Variants in C11orf54 observed in about 807,000 individuals in gnomAD.
C11orf54 encodes beta-keto L-gulonate decarboxylase.
C11orf54 carries 29 observed loss-of-function variants against 35.5 expected under a neutral mutation model. The ratio of observed to expected loss-of-function variants is 0.82; its 90% CI spans 0.61 to 1.11. The LOEUF (loss-of-function observed/expected upper bound fraction) is 1.11. Ranked by LOEUF, C11orf54 falls within the 50% of genes most tolerant of loss-of-function variation. The pLI is 0.00. For synonymous variants in C11orf54, 108 were observed against 121.1 expected, an observed-to-expected ratio of 0.89 and a Z score of 0.71; for missense variants, 373 against 369.2, an observed-to-expected ratio of 1.01 and a Z score of -0.08.
In C11orf54 at chr11:93,755,099, T is replaced by C. The variant is rs532342066; in HGVS notation, c.331-111T>C. ...ATATTATGTATTTTATGTTCTCTTA[T>C]TAGGACTTGAACTAAAATGTCTTAA... is the stretch of plus-strand genomic sequence containing the variant. On this transcript the variant is annotated intron_variant, in intron 5 of 8. Transcript: ENST00000354421. 2.4e-5 allele frequency: 26 copies of C among 1,090,618 alleles called. No homozygotes were observed. The African/African-American group carries it at 4.0e-4, about 17-fold the overall frequency. The allele number at this position is 1,090,618 out of a possible 1,614,324, so 67.6% of individuals were successfully genotyped here. A position where few individuals can be genotyped will look rare whatever the true frequency, so the allele number is the denominator to read the frequency against.
At chr11:93,760,867 C>G (rs973674896) in intron 8 of C11orf54, among the ~76,000 whole-genome samples, 5 of 152,036 alleles carry the variant, frequency 3.3e-5, no homozygotes, top group African/African-American at 1.2e-4. Context: ...CCATGTTGAC[C>G]AGGCTGGTCT....
At chr11:93,746,997 T>C (rs75732330) in intron 1 of C11orf54, 1 of 152,946 alleles carries the variant, frequency 6.5e-6, no homozygotes, top group Non-Finnish European at 1.4e-5. Context: ...AAAAAAAAAA[T>C]GAATCAGCTG....
rs1198619255 is a variant in C11orf54 at position 93,763,116 on chromosome 11, T to A, written c.*1428T>A. On this transcript the variant is annotated 3_prime_UTR_variant, in exon 9 of 9. Transcript: ENST00000354421. ...TGTAATATCTTACCTCCAGACAAAATAATATTAATAGTCTATCATTTAACA... is the reference window on the plus strand; with the variant it reads ...TGTAATATCTTACCTCCAGACAAAAAAATATTAATAGTCTATCATTTAACA... 1.3e-5 allele frequency: 2 copies of A among 152,148 alleles called. No individual in the cohort carries two copies. Among genetic ancestry groups the A allele is most frequent in the African/African-American group, 4.8e-5 (2 of 41,434 alleles). The allele number at this position is 152,148 out of a possible 1,614,324, so 9.4% of individuals were successfully genotyped here. A position where few individuals can be genotyped will look rare whatever the true frequency, so the allele number is the denominator to read the frequency against.
At position 93,763,252 on chromosome 11, in the gene C11orf54, C is replaced by T. The variant is rs935323179; in HGVS notation, c.*1564C>T. The T allele has an allele frequency of 6.6e-6, 1 of 152,148 alleles. No homozygotes were observed. The highest frequency in any genetic ancestry group is 1.5e-5 in the Non-Finnish European group (1 of 68,046). 9.4% of individuals were successfully genotyped at this position (152,148 alleles called of 1,614,324 possible). Reference sequence around the variant, plus strand: ...TTTAACTGCTAGCAAAGTAGCCACTCGGATGATTATACCAAACACTTTACT... The same window carrying T: ...TTTAACTGCTAGCAAAGTAGCCACTTGGATGATTATACCAAACACTTTACT... On this transcript the variant is annotated 3_prime_UTR_variant, in exon 9 of 9. Coordinates refer to ENST00000354421, the MANE Select transcript of C11orf54 (RefSeq NM_001286069.2).
At chr11:93,754,225 G>T (rs536497084) in intron 5 of C11orf54, among the ~76,000 whole-genome samples, 188 bp downstream of exon 5, 1 of 152,296 alleles carries the variant, frequency 6.6e-6, no homozygotes, top group Non-Finnish European at 1.5e-5. Context: ...GTACTAACTT[G>T]TAGTTTTAGA....
intron 3 of C11orf54, among the ~76,000 whole-genome samples, chr11:93,751,842 T>G (rs796415132): frequency 0.014 from 1,895 of 138,396 alleles, 8 homozygotes; most frequent in African/African-American, 0.017. Context: ...TTTTTTTTTT[T>G]TGTGTGTGTG....
At chr11:93,760,961 G>T (rs1367606183) in intron 8 of C11orf54, among the ~76,000 whole-genome samples, 2 of 152,038 alleles carry the variant, frequency 1.3e-5, no homozygotes, top group Admixed American at 6.6e-5. Context: ...GCCTACCCTG[G>T]TCATATCTTG....
chr11:93,755,235 G>T lies in C11orf54; in HGVS notation c.356G>T (p.Ser119Ile), dbSNP rs145950304. 87 of 1,613,950 alleles carry T rather than the reference G, an allele frequency of 5.4e-5. No individual in the cohort carries two copies. The highest frequency in any genetic ancestry group is 6.9e-5 in the Non-Finnish European group (81 of 1,180,002). The change falls in exon 6 of 9, where the codon AGT (serine) becomes ATT (isoleucine). Residue 119 changes from serine (S) to isoleucine (I), a missense_variant. Ser to Ile is a moderately radical substitution (Grantham distance 142, BLOSUM62 -2). Transcript: ENST00000354421. ...SEFMPVIQTESEHKPPVNGSY... is the reference protein window; with the variant it reads ...SEFMPVIQTEIEHKPPVNGSY... ...TTTATGCCAGTTATTCAGACAGAAA[G>T]TGAACACAAGCCTCCTGTAAATGGA...
At chr11:93,755,766 A>G (rs1943110318) in intron 6 of C11orf54, among the ~76,000 whole-genome samples, 1 of 151,600 alleles carries the variant, frequency 6.6e-6, no homozygotes, top group African/African-American at 2.4e-5. Flanking sequence ...AAAAAAAAAA[A>G]AAAGAAAATT....
chr11:93,749,140 T>C (rs1942658379), intron 2 of C11orf54, among the ~76,000 whole-genome samples: 1 of 130,560 alleles, frequency 7.7e-6, no homozygotes, highest in African/African-American at 3.0e-5. Context: ...TGAGACTCCA[T>C]CTCAAAAAAA....
rs1942742840 is a variant in C11orf54 at position 93,750,253 on chromosome 11, T to C, written c.56-93T>C. ...TTCTTTTTTATTATACAAGTTGAGA[T>C]TGGGAGTGTGTTGAGAGCCACATAC... On this transcript the variant is annotated intron_variant, in intron 2 of 8. Transcript: ENST00000354421. The C allele has an allele frequency of 3.3e-5, 28 of 844,620 alleles. 1 individual carries two copies. The South Asian group carries it at 4.1e-4, about 13-fold the overall frequency. 52.3% of individuals were successfully genotyped at this position (844,620 alleles called of 1,614,324 possible).
rs758940443 is a variant in C11orf54, at chr11:93,741,719, G to C, written c.-107G>C. 7.1e-5 allele frequency: 25 copies of C among 353,536 alleles called. No individual in the cohort carries two copies. Among genetic ancestry groups the C allele is most frequent in the Non-Finnish European group, 1.3e-4 (24 of 179,314 alleles). The allele number at this position is 353,536 out of a possible 1,614,324, so 21.9% of individuals were successfully genotyped here. On this transcript the variant is annotated 5_prime_UTR_variant, in exon 1 of 9. Transcript: ENST00000354421. ...CGGACTCTGGGTGTTTTGCTACCGT[G>C]ACCGTTTAGGTGAGTGGAATAGCCA...
At position 93,753,736 on chromosome 11, in the gene C11orf54, C is replaced by T. The variant is rs769540505; in HGVS notation, c.209C>T (p.Pro70Leu). ...GTTGGAGGTGTGCCTTACTTATTGC[C>T]TCTTGTAAACCAAAAAAAAGTAAGT... ...AEVGGVPYLL[P>L]LVNQKKVYDL... Residue 70 changes from proline to leucine, a missense_variant, in exon 4 of 9, where the codon CCT becomes CTT. By Grantham distance (98) the Pro-to-Leu change is moderately conservative. Transcript: ENST00000354421. 2.5e-6 allele frequency: 4 copies of T among 1,613,642 alleles called. No individual in the cohort carries two copies. In the Admixed American group the frequency reaches 6.7e-5, roughly 27 times the overall value.
rs754315227 is a variant in C11orf54, at chr11:93,753,687, T to C, written c.160T>C (p.Cys54Arg). 3.1e-6 allele frequency: 5 copies of C among 1,613,856 alleles called. No individual in the cohort carries two copies. The South Asian group carries it at 5.5e-5, about 18-fold the overall frequency. ...GTTTTTTGGTTTTTTCTTAGGCATC[T>C]GTGGGAAAACTAGAATTGCAGAAGT... ...EPFTFPVKGICGKTRIAEVGG... is the reference protein window; with the variant it reads ...EPFTFPVKGIRGKTRIAEVGG... The change falls in exon 4 of 9, where the codon TGT (cysteine) becomes CGT (arginine). Residue 54 changes from cysteine (C) to arginine (R), a missense_variant. By Grantham distance (180) the Cys-to-Arg change is radical. Coordinates refer to ENST00000354421, the MANE Select transcript of C11orf54 (RefSeq NM_001286069.2).
chr11:93,746,036 T>C (rs1260639506), intron 1 of C11orf54: 1 of 152,226 alleles, frequency 6.6e-6, no homozygotes, highest in Non-Finnish European at 1.5e-5. Context: ...TTAGATTACA[T>C]GTATTAAATC....
At position 93,759,728 on chromosome 11, in the gene C11orf54, AT is replaced by A; in HGVS notation, c.658-13del. ...ATTCAGTATGTTTACCTATGTAATT[AT>A]CTTTTGTTGTAGCCTGCAGAATTTT... On this transcript the variant is annotated splice_polypyrimidine_tract_variant and intron_variant, in intron 7 of 8. Coordinates refer to ENST00000354421, the MANE Select transcript of C11orf54 (RefSeq NM_001286069.2). 2 of 1,448,512 alleles carry A rather than the reference AT, an allele frequency of 1.4e-6. No individual in the cohort carries two copies. The highest frequency in any genetic ancestry group is 1.9e-6 in the Non-Finnish European group (2 of 1,045,352). 89.7% of individuals were successfully genotyped at this position (1,448,512 alleles called of 1,614,324 possible). A position where few individuals can be genotyped will look rare whatever the true frequency, so the allele number is the denominator to read the frequency against.
intron 1 of C11orf54, among the ~76,000 whole-genome samples, chr11:93,743,412 T>C (rs1942260113): frequency 6.6e-6 from 1 of 152,206 alleles, no homozygotes; most frequent in Non-Finnish European, 1.5e-5. Context: ...GTCTTGCGGC[T>C]GCGGTGCCTC....
At chr11:93,744,890 C>T (rs904251605) in intron 1 of C11orf54, among the ~76,000 whole-genome samples, 3 of 152,134 alleles carry the variant, frequency 2.0e-5, no homozygotes, top group Non-Finnish European at 4.4e-5. Context: ...TTCACTATCT[C>T]GGCAAGGGAA....
At chr11:93,759,620 A>T (rs1422229287) in intron 7 of C11orf54, 122 bp from the exon 8 acceptor site, 1 of 409,442 alleles carries the variant, frequency 2.4e-6, no homozygotes, top group Non-Finnish European at 3.9e-6. Flanking sequence ...TGTTCTACAC[A>T]TGTAACCCAG....
Sources: allele counts gnomAD v4.1 joint callset (sites outside exome capture counted in the v4.1 genomes callset), GRCh38; gene constraint gnomAD v4.1.1; transcripts MANE v1.5; gene names NCBI Gene and HGNC (gene_info 2026-07-23, HGNC 2026-07-21).